SCHIP1: variants seen among roughly 807,000 people sequenced by gnomAD.
The protein encoded by SCHIP1 is schwannomin interacting protein 1, also known as schwannomin-interacting protein 1.
In SCHIP1, 8 loss-of-function variants were observed where a neutral mutation model predicts 29.7. That is an observed-to-expected ratio of 0.27 (90% CI 0.16 to 0.49). SCHIP1 has a LOEUF of 0.49. SCHIP1 is among the 20% of genes least tolerant of loss of function. SCHIP1 has a pLI of 0.99. For missense variants in SCHIP1, 193 were observed against 294.6 expected, an observed-to-expected ratio of 0.66 and a Z score of 2.52; for synonymous variants, 76 against 94.9, an observed-to-expected ratio of 0.80 and a Z score of 1.16.
chr3:159,626,137 G>T, the SCHIP1 span, among the ~76,000 whole-genome samples: 2,189 of 85,412 alleles, frequency 0.026, 168 homozygotes, highest in African/African-American at 0.16. Flanking sequence ...TAGATAGATA[G>T]ATATATCTAG....
chr3:159,329,741 C>T, the SCHIP1 span, among the ~76,000 whole-genome samples: 5 of 152,106 alleles, frequency 3.3e-5, no homozygotes, highest in Non-Finnish European at 5.9e-5. Flanking sequence ...TGTTAACAAT[C>T]GAAAACTGTA....
At chr3:159,361,963 G>T in the SCHIP1 span, among the ~76,000 whole-genome samples, 3 of 152,160 alleles carry the variant, frequency 2.0e-5, no homozygotes, top group African/African-American at 7.2e-5. Flanking sequence ...GTGACATTTG[G>T]GTTATATCTG....
intron 2 of SCHIP1, among the ~76,000 whole-genome samples, chr3:159,876,838 G>C (rs1715864856): frequency 6.6e-6 from 1 of 152,196 alleles, no homozygotes; most frequent in Non-Finnish European, 1.5e-5. Context: ...CCATGTCTCA[G>C]CTTTTGGGCC....
chr3:159,804,129 G>C, the SCHIP1 span, among the ~76,000 whole-genome samples: 1 of 152,308 alleles, frequency 6.6e-6, no homozygotes, highest in African/African-American at 2.4e-5. Context: ...AGTTGTAATA[G>C]GGCTCCCTTC....
At chr3:159,296,892 A>G in the SCHIP1 span, among the ~76,000 whole-genome samples, 1 of 152,180 alleles carries the variant, frequency 6.6e-6, no homozygotes, top group Non-Finnish European at 1.5e-5. Flanking sequence ...TATAAACTAA[A>G]TATTTATACT....
chr3:159,506,648 G>A, the SCHIP1 span, among the ~76,000 whole-genome samples: 2 of 152,146 alleles, frequency 1.3e-5, no homozygotes, highest in African/African-American at 2.4e-5. Context: ...TTTGTATAAG[G>A]TATAAGGAAG....
At chr3:159,828,388 CATATATACGT>C in the SCHIP1 span, among the ~76,000 whole-genome samples, 22 of 65,378 alleles carry the variant, frequency 3.4e-4, 2 homozygotes, top group South Asian at 3.1e-3. Context: ...TATATATATA[CATATATACGT>C]ATATATATAC....
chr3:159,286,055 GTTTA>G, the SCHIP1 span, among the ~76,000 whole-genome samples: 54 of 151,948 alleles, frequency 3.6e-4, 1 homozygote, highest in Middle Eastern at 3.2e-3. Flanking sequence ...TATTCATTGT[GTTTA>G]TTCATGTATT....
At chr3:159,380,472 A>T in the SCHIP1 span, among the ~76,000 whole-genome samples, 2 of 152,208 alleles carry the variant, frequency 1.3e-5, no homozygotes, top group Admixed American at 1.3e-4. Flanking sequence ...TTCTTTTCGT[A>T]AAAAATAAGA....
chr3:159,862,402 G>A (rs955050486), intron 1 of SCHIP1, among the ~76,000 whole-genome samples: 2 of 152,190 alleles, frequency 1.3e-5, no homozygotes, highest in African/African-American at 4.8e-5. Flanking sequence ...AGCAGAAATT[G>A]TTGGAGTATG....
At chr3:159,299,355 A>G in the SCHIP1 span, among the ~76,000 whole-genome samples, 1 of 152,158 alleles carries the variant, frequency 6.6e-6, no homozygotes, top group Non-Finnish European at 1.5e-5. Context: ...GAATGTGAAT[A>G]GGAAGTCTAT....
At chr3:159,761,778 C>A in the SCHIP1 span, among the ~76,000 whole-genome samples, 1 of 152,270 alleles carries the variant, frequency 6.6e-6, no homozygotes, top group East Asian at 1.9e-4. Context: ...GCATTTTTGG[C>A]ACTAGACTTA....
At chr3:159,304,225 C>T in the SCHIP1 span, among the ~76,000 whole-genome samples, 2 of 151,950 alleles carry the variant, frequency 1.3e-5, no homozygotes, top group Admixed American at 1.3e-4. Flanking sequence ...TAATTTATTA[C>T]TATAAGTATT....
the SCHIP1 span, among the ~76,000 whole-genome samples, chr3:159,813,717 T>G: frequency 6.6e-6 from 1 of 151,882 alleles, no homozygotes; most frequent in African/African-American, 2.4e-5. Flanking sequence ...GAAGTAAAAT[T>G]AGGAGTTCAG....
At chr3:159,653,992 A>C in the SCHIP1 span, among the ~76,000 whole-genome samples, 1 of 152,188 alleles carries the variant, frequency 6.6e-6, no homozygotes, top group Non-Finnish European at 1.5e-5. Context: ...AGATTTTGCT[A>C]TCTAAAATAT....
At chr3:159,518,087 T>C in the SCHIP1 span, among the ~76,000 whole-genome samples, 1 of 152,144 alleles carries the variant, frequency 6.6e-6, no homozygotes, top group African/African-American at 2.4e-5. Context: ...CATGCAATAA[T>C]ATAATTTTCA....
At chr3:159,553,753 G>C in the SCHIP1 span, among the ~76,000 whole-genome samples, 1 of 152,304 alleles carries the variant, frequency 6.6e-6, no homozygotes, top group African/African-American at 2.4e-5. Flanking sequence ...TGGGATTACA[G>C]GTGTGAGCCA....
the SCHIP1 span, among the ~76,000 whole-genome samples, chr3:159,771,890 A>G: frequency 6.6e-6 from 1 of 152,192 alleles, no homozygotes; most frequent in Non-Finnish European, 1.5e-5. Flanking sequence ...ATTAGTTTGT[A>G]CATAGTGGAC....
At chr3:159,478,979 T>G in the SCHIP1 span, among the ~76,000 whole-genome samples, 1 of 152,164 alleles carries the variant, frequency 6.6e-6, no homozygotes, top group Non-Finnish European at 1.5e-5. Flanking sequence ...GGGTTTTCTC[T>G]ATATAAAATC....
Sources: gnomAD v4.1 joint callset for allele counts (sites outside exome capture counted in the v4.1 genomes callset) on GRCh38, gnomAD v4.1.1 for gene constraint, MANE v1.5 for transcripts, NCBI Gene and HGNC (gene_info 2026-07-23, HGNC 2026-07-21) for gene names.